DCUN1D1: variants seen among roughly 807,000 people sequenced by gnomAD.
DCUN1D1 encodes DCN1-like protein 1.
In DCUN1D1, 3 loss-of-function variants were observed where a neutral mutation model predicts 39.0. That is an observed-to-expected ratio of 0.08 (90% CI 0.04 to 0.20). The LOEUF is 0.20. Among genes scored for constraint, DCUN1D1 ranks in the 10% least tolerant of loss-of-function variants. The pLI, the probability that DCUN1D1 is intolerant of heterozygous loss-of-function variation, is 1.00. For missense variants in DCUN1D1, 158 were observed against 302.4 expected, an observed-to-expected ratio of 0.52 and a Z score of 3.54; for synonymous variants, 82 against 96.3, an observed-to-expected ratio of 0.85 and a Z score of 0.87.
At chr3:182,950,350 G>T (rs575707542) in intron 4 of DCUN1D1, among the ~76,000 whole-genome samples, 2 of 152,020 alleles carry the variant, frequency 1.3e-5, no homozygotes, top group African/African-American at 4.8e-5. Context: ...GTTTCACTAC[G>T]TTGGCCAGGA....
At chr3:182,980,399 GC>G (rs1224681164) in intron 1 of DCUN1D1, 87 bp downstream of exon 1, 2 of 964,954 alleles carry the variant, frequency 2.1e-6, no homozygotes, top group African/African-American at 3.5e-5. Flanking sequence ...CTGCAGGGTC[GC>G]CGCGGGACGG....
rs780995452 is a variant in DCUN1D1 at position 182,947,586 on chromosome 3, T to G, written c.567A>C (p.Arg189Ser). ...IAYWNLVLNGRFKFLDLWNKF... is the reference protein window; with the variant it reads ...IAYWNLVLNGSFKFLDLWNKF... Reference sequence around the variant, plus strand: ...TATTCCATAAGTCTAAGAATTTAAATCTTCCATTAAGCACTAAGTTCCAGT... The same window carrying G: ...TATTCCATAAGTCTAAGAATTTAAAGCTTCCATTAAGCACTAAGTTCCAGT... The change falls in exon 5 of 7, where the codon AGA (arginine) becomes AGC (serine). Residue 189 changes from arginine to serine, a missense_variant. Transcript: ENST00000292782. 6.3e-7 allele frequency: 1 copy of G among 1,589,446 alleles called. No homozygotes were observed.
intron 1 of DCUN1D1, among the ~76,000 whole-genome samples, chr3:182,978,541 A>AT (rs975482215): frequency 6.6e-5 from 10 of 151,650 alleles, no homozygotes; most frequent in Admixed American, 5.3e-4. Flanking sequence ...ATGCTTGGCT[A>AT]TTTTTTTTCC....
At chr3:182,975,056 AAGG>A (rs1251477622) in intron 1 of DCUN1D1, among the ~76,000 whole-genome samples, 2 of 152,202 alleles carry the variant, frequency 1.3e-5, no homozygotes, top group African/African-American at 2.4e-5. Flanking sequence ...TGAAATTTAA[AAGG>A]AGTTTTCTCC....
Position 182,947,488 on chromosome 3 carries a change from T to C in DCUN1D1, c.603+62A>G, listed in dbSNP as rs1726473868. ...TTCTATATCCAATACATTATGTTAA[T>C]TTATCTTTAAACATAGCAGAATTTG... On this transcript the variant is annotated intron_variant, in intron 5 of 6. Coordinates refer to ENST00000292782, the MANE Select transcript of DCUN1D1 (RefSeq NM_020640.4). 5.9e-6 allele frequency: 7 copies of C among 1,177,384 alleles called. No homozygotes were observed. In the South Asian group the frequency reaches 9.2e-5, roughly 15 times the overall value. The allele number at this position is 1,177,384 out of a possible 1,614,324, so 72.9% of individuals were successfully genotyped here.
intron 4 of DCUN1D1, among the ~76,000 whole-genome samples, chr3:182,952,957 C>G (rs760310689): frequency 2.0e-5 from 3 of 152,216 alleles, no homozygotes; most frequent in Non-Finnish European, 4.4e-5. Context: ...TCTGGTGTCA[C>G]TTCCATGTTA....
chr3:182,959,501 CAAAAAAAAAAAA>C (rs11373344), intron 4 of DCUN1D1, among the ~76,000 whole-genome samples: 2 of 81,172 alleles, frequency 2.5e-5, no homozygotes, highest in Non-Finnish European at 4.4e-5. Flanking sequence ...CTTCAAAAAC[CAAAAAAAAAAAA>C]AAAAAAAAAA....
At chr3:182,979,376 A>G (rs530509134) in intron 1 of DCUN1D1, among the ~76,000 whole-genome samples, 26 of 152,310 alleles carry the variant, frequency 1.7e-4, no homozygotes, top group African/African-American at 9.6e-5. Context: ...ACAGGCGCGC[A>G]CACACACCCT....
intron 4 of DCUN1D1, among the ~76,000 whole-genome samples, chr3:182,960,092 G>C (rs1727305703): frequency 6.6e-6 from 1 of 152,106 alleles, no homozygotes; most frequent in Non-Finnish European, 1.5e-5. Flanking sequence ...AAGTTACCCA[G>C]TCTCAGGTAT....
At chr3:182,980,465 G>A (rs774182167) in intron 1 of DCUN1D1, 22 bp downstream of exon 1, 2 of 1,167,020 alleles carry the variant, frequency 1.7e-6, no homozygotes, top group African/African-American at 3.3e-5. Context: ...GGCAGGGCGG[G>A]CGGGCGGCCG....
intron 4 of DCUN1D1, chr3:182,956,222 C>A (rs1411644675): frequency 3.6e-6 from 1 of 275,270 alleles, no homozygotes; most frequent in South Asian, 4.6e-5. Flanking sequence ...CCACCATGCC[C>A]AGTTGAACTT....
intron 1 of DCUN1D1, among the ~76,000 whole-genome samples, chr3:182,968,233 T>C (rs1727767830): frequency 6.6e-6 from 1 of 152,164 alleles, no homozygotes; most frequent in Non-Finnish European, 1.5e-5. Context: ...TAATTAAACC[T>C]GATATAACAT....
At chr3:182,985,713 G>C (rs1284394160) in intron 1 of DCUN1D1, 1 of 152,182 alleles carries the variant, frequency 6.6e-6, no homozygotes, top group Non-Finnish European at 1.5e-5. Context: ...GTACACCTCA[G>C]GAACCATCCC....
rs1045100547 is a variant in DCUN1D1, at chr3:182,956,079, C to T, written c.520+5147G>A. On this transcript the variant is annotated intron_variant, in intron 4 of 6. Coordinates refer to ENST00000292782, the MANE Select transcript of DCUN1D1 (RefSeq NM_020640.4). ...GGGTAGCTGGGATTACAGGCAGGCA[C>T]CACCATGCCTGGCTAATTTTTTATT... is the stretch of plus-strand genomic sequence containing the variant. Among the ~76,000 whole-genome samples, 5 of 152,042 alleles carry T rather than the reference C, an allele frequency of 3.3e-5. No homozygotes were observed. The South Asian group carries it at 1.0e-3, about 32-fold the overall frequency.
chr3:182,949,099 G>A (rs559860146), intron 4 of DCUN1D1, among the ~76,000 whole-genome samples: 2 of 149,236 alleles, frequency 1.3e-5, no homozygotes, highest in African/African-American at 4.9e-5. Context: ...AGTGACTCTC[G>A]CCTGTAATCC....
At chr3:182,972,499 G>C (rs766421607) in intron 1 of DCUN1D1, among the ~76,000 whole-genome samples, 8 of 152,168 alleles carry the variant, frequency 5.3e-5, no homozygotes, top group South Asian at 2.1e-4. Flanking sequence ...TGCTGAGGCT[G>C]AGCAAGGCAG....
Position 182,938,219 on chromosome 3 carries a change from A to C in DCUN1D1, c.*6875T>G, listed in dbSNP as rs1468005786. On this transcript the variant is annotated 3_prime_UTR_variant, in exon 7 of 7. Transcript: ENST00000292782. ...CACCTTACATTTGAAATTGCATAGA[A>C]ATTTAAAGTGCTAAAGCAATCATTG... is the stretch of plus-strand genomic sequence containing the variant. 2 of 152,156 alleles carry C rather than the reference A, an allele frequency of 1.3e-5. No individual in the cohort carries two copies. The highest frequency in any genetic ancestry group is 1.3e-4 in the Admixed American group (2 of 15,268). 9.4% of individuals were successfully genotyped at this position (152,156 alleles called of 1,614,324 possible). A position where few individuals can be genotyped will look rare whatever the true frequency, so the allele number is the denominator to read the frequency against.
chr3:182,959,281 A>G (rs1243414752), intron 4 of DCUN1D1, among the ~76,000 whole-genome samples: 1 of 152,164 alleles, frequency 6.6e-6, no homozygotes, highest in East Asian at 1.9e-4. Flanking sequence ...TATGTTATGA[A>G]TCTTTCATCA....
rs1217092663 is a variant in DCUN1D1, at chr3:182,966,413, A to AT, written c.4-661dup. Among the ~76,000 whole-genome samples the AT allele has an allele frequency of 2.1e-3, 321 of 151,730 alleles. 1 individual carries two copies. Among genetic ancestry groups the AT allele is most frequent in the African/African-American group, 7.1e-3 (294 of 41,374 alleles). ...AATTTCCTCATATCCTATCAAAATA[A>AT]TTTTTTTTTCTTTTTCCCCTGAAAG... On this transcript the variant is annotated intron_variant, in intron 1 of 6. Coordinates refer to ENST00000292782, the MANE Select transcript of DCUN1D1 (RefSeq NM_020640.4).
Sources: gnomAD v4.1 joint callset for allele counts (sites outside exome capture counted in the v4.1 genomes callset) on GRCh38, gnomAD v4.1.1 for gene constraint, MANE v1.5 for transcripts, NCBI Gene and HGNC (gene_info 2026-07-23, HGNC 2026-07-21) for gene names.